Variants in HM13 observed in about 807,000 individuals in gnomAD.
The protein encoded by HM13 is signal peptide peptidase.
HM13 carries 18 observed loss-of-function variants against 50.0 expected under a neutral mutation model. The observed-to-expected ratio is 0.36, with a 90% CI of 0.25 to 0.53. The LOEUF is 0.53. Among genes scored for constraint, HM13 ranks in the 20% least tolerant of loss-of-function variants. The pLI is 0.90. For synonymous variants in HM13, 197 were observed against 232.6 expected, an observed-to-expected ratio of 0.85 and a Z score of 1.39; for missense variants, 393 against 552.4, an observed-to-expected ratio of 0.71 and a Z score of 2.89.
At chr20:31,534,499 A>G (rs1983000704) in intron 2 of HM13, among the ~76,000 whole-genome samples, 2 of 152,194 alleles carry the variant, frequency 1.3e-5, no homozygotes, top group Non-Finnish European at 2.9e-5. Flanking sequence ...GAAGAAGACC[A>G]GAGGCTGGGC....
chr20:31,567,942 A>G, intron 11 of HM13, 136 bp from the exon 12 acceptor site: 3 of 752,824 alleles, frequency 4.0e-6, no homozygotes, highest in Non-Finnish European at 6.2e-6. Flanking sequence ...GCTTCTTTCC[A>G]TAAAATCTGG....
intron 4 of HM13, chr20:31,547,855 TCTC>T (rs772361172): frequency 1.1e-5 from 11 of 962,370 alleles, no homozygotes; most frequent in Middle Eastern, 2.1e-4. Context: ...AGGTTTAACT[TCTC>T]CTGGAGCTAA....
rs79223645 is a variant in HM13 at position 31,545,498 on chromosome 20, C to T, written c.454+463C>T. 2.6e-3 allele frequency among the ~76,000 whole-genome samples: 389 copies of T among 152,292 alleles called. 4 individuals carry two copies. Among genetic ancestry groups the T allele is most frequent in the Admixed American group, 0.018 (280 of 15,290 alleles). ...AATAAAAACTGGCCAGAAACAGTGTCTCATGCCTGTAATCACAGCAATTTG... is the reference window on the plus strand; with the variant it reads ...AATAAAAACTGGCCAGAAACAGTGTTTCATGCCTGTAATCACAGCAATTTG... On this transcript the variant is annotated intron_variant, in intron 4 of 12. Transcript: ENST00000398174.
intron 8 of HM13, among the ~76,000 whole-genome samples, 174 bp from the exon 9 acceptor site, chr20:31,559,436 GT>G (rs1568798711): frequency 6.6e-6 from 1 of 152,180 alleles, no homozygotes; most frequent in Non-Finnish European, 1.5e-5. Context: ...CCCTCTCATT[GT>G]TCTAGGTAGA....
intron 1 of HM13, among the ~76,000 whole-genome samples, chr20:31,515,906 C>T (rs549583797): frequency 2.6e-5 from 4 of 152,294 alleles, no homozygotes; most frequent in African/African-American, 9.6e-5. Flanking sequence ...AGAGGGCAGG[C>T]CCACAAAGCA....
intron 1 of HM13, among the ~76,000 whole-genome samples, chr20:31,524,874 T>C (rs1328699002): frequency 6.6e-6 from 1 of 151,836 alleles, no homozygotes; most frequent in African/African-American, 2.4e-5. Flanking sequence ...CCACCACATC[T>C]GGCTAATTTT....
At chr20:31,558,755 A>T (rs1365175652) in intron 8 of HM13, among the ~76,000 whole-genome samples, 1 of 151,440 alleles carries the variant, frequency 6.6e-6, no homozygotes, top group Non-Finnish European at 1.5e-5. Flanking sequence ...ACAGAGTCTC[A>T]CTCTGTCGTC....
chr20:31,539,215 C>T, intron 3 of HM13: 2 of 985,472 alleles, frequency 2.0e-6, no homozygotes, highest in Non-Finnish European at 2.4e-6. Context: ...AGTTGGCAAC[C>T]TTGCCCTGCT....
At chr20:31,524,710 CTTTTTTTT>C (rs1156549702) in intron 1 of HM13, among the ~76,000 whole-genome samples, 1 of 110,762 alleles carries the variant, frequency 9.0e-6, no homozygotes, top group Non-Finnish European at 1.9e-5. Context: ...TGTTGTGTGG[CTTTTTTTT>C]TTTTTTTTTT....
At chr20:31,551,986 C>A (rs1984056654) in intron 7 of HM13, among the ~76,000 whole-genome samples, 1 of 152,112 alleles carries the variant, frequency 6.6e-6, no homozygotes, top group African/African-American at 2.4e-5. Flanking sequence ...GATGGAGGAT[C>A]GTGATGGACA....
chr20:31,528,591 G>A (rs1377239429), intron 2 of HM13, among the ~76,000 whole-genome samples: 1 of 152,224 alleles, frequency 6.6e-6, no homozygotes, highest in Non-Finnish European at 1.5e-5. Flanking sequence ...TGGTTCTCCT[G>A]CCTCAGCCAG....
chr20:31,537,930 C>T (rs537095476), intron 2 of HM13, among the ~76,000 whole-genome samples: 139 of 152,340 alleles, frequency 9.1e-4, no homozygotes, highest in African/African-American at 3.2e-3. Context: ...TGCCTCCCTC[C>T]AGATAATGGA....
Position 31,523,295 on chromosome 20 carries a change from G to A in HM13, c.184-4189G>A, listed in dbSNP as rs1036219568. Among the ~76,000 whole-genome samples the A allele has an allele frequency of 3.6e-5, 5 of 138,884 alleles. No homozygotes were observed. In the South Asian group the frequency reaches 6.7e-4, roughly 19 times the overall value. The allele number at this position is 138,884 out of a possible 152,430, so 91.1% of individuals were successfully genotyped here. ...TTTTTTTTTTTTGAGACAGAGTCTC[G>A]CTGTCCACCCAGGCTGGAGTTCAGT... On this transcript the variant is annotated intron_variant, in intron 1 of 12. Coordinates refer to ENST00000398174, the MANE Select transcript of HM13 (RefSeq NM_178581.3).
chr20:31,563,165 A>G (rs1984712795), intron 10 of HM13: 1 of 152,374 alleles, frequency 6.6e-6, no homozygotes, highest in Non-Finnish European at 1.5e-5. Context: ...CTCCAGACTA[A>G]TGAACTCCTG....
intron 11 of HM13, 40 bp downstream of exon 11, chr20:31,566,335 G>T (rs375582979): frequency 1.3e-6 from 2 of 1,532,810 alleles, no homozygotes; most frequent in East Asian, 4.5e-5. Flanking sequence ...ATGGGCACCA[G>T]TGTGCCTGCT....
In HM13 at chr20:31,529,043, C is replaced by T. The variant is rs1254967604; in HGVS notation, c.282+1461C>T. Reference sequence around the variant, plus strand: ...TTAGAGACAGGGTCTCACTCTTGCCCAGCCTGGAGTGCACTGGTGCAATCA... The same window carrying T: ...TTAGAGACAGGGTCTCACTCTTGCCTAGCCTGGAGTGCACTGGTGCAATCA... On this transcript the variant is annotated intron_variant, in intron 2 of 12. Transcript: ENST00000398174. Among the ~76,000 whole-genome samples the T allele has an allele frequency of 2.0e-5, 3 of 152,214 alleles. No homozygotes were observed. In the East Asian group the frequency reaches 5.8e-4, roughly 29 times the overall value.
chr20:31,521,121 G>C (rs1982134598), intron 1 of HM13, among the ~76,000 whole-genome samples: 1 of 152,212 alleles, frequency 6.6e-6, no homozygotes, highest in African/African-American at 2.4e-5. Context: ...ATCGCAATTG[G>C]ATTGGTAAAG....
chr20:31,567,251 G>A (rs1416605675), intron 11 of HM13, among the ~76,000 whole-genome samples: 1 of 152,144 alleles, frequency 6.6e-6, no homozygotes, highest in East Asian at 1.9e-4. Context: ...CATGGCACCC[G>A]ATCCCTGAGC....
chr20:31,546,105 A>G (rs1249434141), intron 4 of HM13, among the ~76,000 whole-genome samples: 1 of 142,692 alleles, frequency 7.0e-6, no homozygotes, highest in African/African-American at 2.7e-5. Context: ...GCTGGAGTGC[A>G]GCGGCACAAT....
Sources: allele counts gnomAD v4.1 joint callset (sites outside exome capture counted in the v4.1 genomes callset), GRCh38; gene constraint gnomAD v4.1.1; transcripts MANE v1.5; gene names NCBI Gene and HGNC (gene_info 2026-07-23, HGNC 2026-07-21).